The following PPARD variants were observed in gnomAD, a reference collection of about 807,000 sequenced individuals.
PPARD encodes peroxisome proliferator-activated receptor delta.
Under a neutral mutation model 39.5 loss-of-function variants are expected in PPARD, and 6 were observed. The ratio of observed to expected loss-of-function variants is 0.15; its 90% CI spans 0.08 to 0.30. The LOEUF (loss-of-function observed/expected upper bound fraction) is 0.30, where lower values mean the gene tolerates loss of function less well. Among genes scored for constraint, PPARD ranks in the 10% least tolerant of loss-of-function variants. PPARD has a pLI of 1.00. For synonymous variants in PPARD, 210 were observed against 231.3 expected (o/e 0.91, Z 0.83); for missense variants, 397 against 596.8 (o/e 0.67, Z 3.49).
chr6:35,408,531 G>A (rs1215845298), intron 2 of PPARD, among the ~76,000 whole-genome samples: 1 of 152,124 alleles, frequency 6.6e-6, no homozygotes, highest in Non-Finnish European at 1.5e-5. Flanking sequence ...GAGTGGTCAG[G>A]GACTGATCCT....
In PPARD at chr6:35,404,709, G is replaced by C. The variant is rs114875942; in HGVS notation, c.-101-6278G>C. On this transcript the variant is annotated intron_variant, in intron 2 of 7. Coordinates refer to ENST00000360694, the MANE Select transcript of PPARD (RefSeq NM_006238.5). Reference sequence around the variant, plus strand: ...ACGGGGAAGGGAGACAACTGGACTTGGTGGGAAGGACTGGGCCCCAGGTGG... The same window carrying C: ...ACGGGGAAGGGAGACAACTGGACTTCGTGGGAAGGACTGGGCCCCAGGTGG... 2.3e-3 allele frequency among the ~76,000 whole-genome samples: 356 copies of C among 152,336 alleles called. 4 individuals carry two copies. The highest frequency in any genetic ancestry group is 8.3e-3 in the African/African-American group (346 of 41,564).
At chr6:35,389,262 G>A (rs1219987513) in intron 2 of PPARD, among the ~76,000 whole-genome samples, 1 of 152,134 alleles carries the variant, frequency 6.6e-6, no homozygotes, top group South Asian at 2.1e-4. Context: ...TGCTGGAAAT[G>A]TTTACTGTCT....
chr6:35,395,041 G>A (rs763391430), intron 2 of PPARD, among the ~76,000 whole-genome samples: 5 of 152,072 alleles, frequency 3.3e-5, no homozygotes, highest in Non-Finnish European at 7.4e-5. Flanking sequence ...ATATAACTCA[G>A]CACTAATGCT....
At chr6:35,351,861 C>CTT (rs774957372) in intron 2 of PPARD, among the ~76,000 whole-genome samples, 2,840 of 87,262 alleles carry the variant, frequency 0.033, 178 homozygotes, top group East Asian at 0.18. Flanking sequence ...CACACCCAGC[C>CTT]TTTTTTTTTT....
chr6:35,422,551 C>G (rs191282513), intron 5 of PPARD, among the ~76,000 whole-genome samples: 1 of 152,200 alleles, frequency 6.6e-6, no homozygotes, highest in African/African-American at 2.4e-5. Flanking sequence ...CCCTCAGTAC[C>G]TCTCTGAGTA....
intron 1 of PPARD, among the ~76,000 whole-genome samples, chr6:35,345,208 G>A (rs2150406465): frequency 6.6e-6 from 1 of 152,328 alleles, no homozygotes; most frequent in South Asian, 2.1e-4. Flanking sequence ...CTCATTTTCT[G>A]AGAAGGTAGT....
intron 2 of PPARD, among the ~76,000 whole-genome samples, chr6:35,347,760 C>G (rs1401659274): frequency 6.6e-6 from 1 of 152,032 alleles, no homozygotes; most frequent in Non-Finnish European, 1.5e-5. Flanking sequence ...AGGCACCTGC[C>G]ACCACGCCCG....
intron 3 of PPARD, among the ~76,000 whole-genome samples, chr6:35,413,266 C>T (rs1765546028): frequency 6.6e-6 from 1 of 152,192 alleles, no homozygotes; most frequent in Non-Finnish European, 1.5e-5. Flanking sequence ...ATTTAGGGCA[C>T]AGCGGGAAAC....
intron 2 of PPARD, among the ~76,000 whole-genome samples, chr6:35,350,115 C>T (rs1296271322): frequency 6.6e-6 from 1 of 152,030 alleles, no homozygotes; most frequent in Non-Finnish European, 1.5e-5. Flanking sequence ...CGTTTTTTTC[C>T]TATAGAGTTG....
intron 2 of PPARD, among the ~76,000 whole-genome samples, chr6:35,354,215 G>A (rs909586751): frequency 4.1e-5 from 5 of 121,426 alleles, no homozygotes; most frequent in African/African-American, 1.3e-4. Flanking sequence ...CTGGGCGACA[G>A]AGCGAGACTC....
chr6:35,376,460 C>T (rs537801788), intron 2 of PPARD, among the ~76,000 whole-genome samples: 1 of 151,794 alleles, frequency 6.6e-6, no homozygotes, highest in East Asian at 1.9e-4. Flanking sequence ...TGAGGCTTGC[C>T]CCTCTTGGTG....
chr6:35,348,736 G>T (rs1467465868), intron 2 of PPARD: 7 of 985,318 alleles, frequency 7.1e-6, no homozygotes, highest in South Asian at 4.7e-5. Context: ...GGTCCTGGGT[G>T]GGGGGCCCTC....
chr6:35,405,765 G>A (rs1363895227), intron 2 of PPARD, among the ~76,000 whole-genome samples: 1 of 151,994 alleles, frequency 6.6e-6, no homozygotes, highest in Non-Finnish European at 1.5e-5. Context: ...ACGTAGCTGG[G>A]ATTACAGGCG....
chr6:35,402,489 T>G (rs1044391224), intron 2 of PPARD, among the ~76,000 whole-genome samples: 2 of 152,050 alleles, frequency 1.3e-5, no homozygotes, highest in African/African-American at 4.8e-5. Context: ...TGGTGAAGAG[T>G]ACCCTCCTGT....
intron 2 of PPARD, among the ~76,000 whole-genome samples, chr6:35,354,258 T>G (rs1051722712): frequency 2.4e-5 from 3 of 125,924 alleles, no homozygotes; most frequent in African/African-American, 9.1e-5. Context: ...AAAAAAGCGA[T>G]ACACATTCAA....
At chr6:35,368,611 C>G (rs549757838) in intron 2 of PPARD, among the ~76,000 whole-genome samples, 2 of 152,308 alleles carry the variant, frequency 1.3e-5, no homozygotes, top group Admixed American at 6.5e-5. Flanking sequence ...CTGGCACCCT[C>G]CCTCAGCCCA....
chr6:35,415,914 TC>T (rs1367091509), intron 3 of PPARD, among the ~76,000 whole-genome samples: 1 of 151,948 alleles, frequency 6.6e-6, no homozygotes, highest in Non-Finnish European at 1.5e-5. Flanking sequence ...ATGTTGCAGC[TC>T]AAGTCCAAAG....
At chr6:35,365,895 A>G (rs1200139710) in intron 2 of PPARD, among the ~76,000 whole-genome samples, 3 of 151,924 alleles carry the variant, frequency 2.0e-5, no homozygotes, top group South Asian at 2.1e-4. Context: ...CAGATTGACA[A>G]TGCTTCTGTG....
intron 2 of PPARD, among the ~76,000 whole-genome samples, chr6:35,374,314 G>A (rs1385371643): frequency 1.5e-5 from 2 of 137,070 alleles, no homozygotes; most frequent in Non-Finnish European, 3.0e-5. Context: ...GCGGTGGGGC[G>A]GGGGGGTTTA....
Sources: gnomAD v4.1 joint callset for allele counts (sites outside exome capture counted in the v4.1 genomes callset) on GRCh38, gnomAD v4.1.1 for gene constraint, MANE v1.5 for transcripts, NCBI Gene and HGNC (gene_info 2026-07-23, HGNC 2026-07-21) for gene names.